Variants in CDX2 observed in about 807,000 individuals in gnomAD.
CDX2 encodes caudal type homeobox 2, also known as homeobox protein CDX-2.
In CDX2, 7 loss-of-function variants were observed where a neutral mutation model predicts 25.5. The ratio of observed to expected loss-of-function variants is 0.27; its 90% CI spans 0.16 to 0.52. The LOEUF (loss-of-function observed/expected upper bound fraction) is 0.52, where lower values mean the gene tolerates loss of function less well. Among genes scored for constraint, CDX2 ranks in the 20% least tolerant of loss-of-function variants. The pLI is 0.97. For synonymous variants in CDX2, 222 were observed against 198.6 expected, an observed-to-expected ratio of 1.12 and a Z score of -0.99; for missense variants, 375 against 431.4, an observed-to-expected ratio of 0.87 and a Z score of 1.16.
chr13:27,966,066 G>A (rs1869305558), intron 1 of CDX2, among the ~76,000 whole-genome samples: 1 of 152,250 alleles, frequency 6.6e-6, no homozygotes, highest in Admixed American at 6.5e-5. Context: ...GTCCTGGGAA[G>A]ATACAGGCCT....
At position 27,968,576 on chromosome 13, in the gene CDX2, G is replaced by A. The variant is rs1205848737; in HGVS notation, c.431C>T (p.Pro144Leu). 7 of 1,571,148 alleles carry A rather than the reference G, an allele frequency of 4.5e-6. No individual in the cohort carries two copies. Among genetic ancestry groups the A allele is most frequent in the Middle Eastern group, 1.7e-4 (1 of 5,740 alleles). ...SGLLQTLNPG[P>L]PGPAATAAAE... ...GGCAGCGGTGGCGGCGGGCCCAGGA[G>A]GGCCGGGGTTGAGCGTTTGCAGCAG... Residue 144 changes from proline (P) to leucine (L), a missense_variant, in exon 1 of 3, where the codon CCT (proline) becomes CTT (leucine). By Grantham distance (98) the Pro-to-Leu change is moderately conservative. Around this residue, in one of 3 missense-constraint regions of CDX2, gnomAD observed 253 missense variants for 247.5 expected, o/e 1.02. Coordinates refer to ENST00000381020, the MANE Select transcript of CDX2 (RefSeq NM_001265.6).
In CDX2 at chr13:27,963,033, G is replaced by T; in HGVS notation, c.*82C>A. 1 of 1,470,036 alleles carries T rather than the reference G, an allele frequency of 6.8e-7. No individual in the cohort carries two copies. Among genetic ancestry groups the T allele is most frequent in the Non-Finnish European group, 9.0e-7 (1 of 1,107,310 alleles). 91.1% of individuals were successfully genotyped at this position (1,470,036 alleles called of 1,614,324 possible). A position where few individuals can be genotyped will look rare whatever the true frequency, so the allele number is the denominator to read the frequency against. ...CTATGGCTGTGGGTGGGAGGGGAGGGGTCTCTCCTGAGGAGTCTAGCAGAG... is the reference window on the plus strand; with the variant it reads ...CTATGGCTGTGGGTGGGAGGGGAGGTGTCTCTCCTGAGGAGTCTAGCAGAG... On this transcript the variant is annotated 3_prime_UTR_variant, in exon 3 of 3. Coordinates refer to ENST00000381020, the MANE Select transcript of CDX2 (RefSeq NM_001265.6).
rs924465590 is a variant in CDX2, at chr13:27,969,020, C to T, written c.-14G>A. On this transcript the variant is annotated 5_prime_UTR_variant, in exon 1 of 3. Transcript: ENST00000381020. Reference sequence around the variant, plus strand: ...GCTCACGTACATGGTGGCGAGGGTCCGGGAGCAGACCTCACCATGCTGCCT... The same window carrying T: ...GCTCACGTACATGGTGGCGAGGGTCTGGGAGCAGACCTCACCATGCTGCCT... 4 of 1,583,748 alleles carry T rather than the reference C, an allele frequency of 2.5e-6. No homozygotes were observed. In the African/African-American group the frequency reaches 4.1e-5, roughly 16 times the overall value.
intron 1 of CDX2, 79 bp from the exon 2 acceptor site, chr13:27,965,094 CA>C (rs1869251375): frequency 6.9e-7 from 1 of 1,459,612 alleles, no homozygotes; most frequent in African/African-American, 1.4e-5. Flanking sequence ...CTCCCTAACC[CA>C]GGGACATTTC....
At position 27,968,629 on chromosome 13, in the gene CDX2, C is replaced by G; in HGVS notation, c.378G>C (p.Pro126=). 6.5e-7 allele frequency: 1 copy of G among 1,536,042 alleles called. No homozygotes were observed. The highest frequency in any genetic ancestry group is 8.7e-7 in the Non-Finnish European group (1 of 1,147,160). ...CAGAAGCGCAGGAAGGCGCGGCGGC[C>G]GGGTGGTGCGGGTGGTGATGCGGGT... ...HHHPHHHPHH[P]AAAPSCASGL... The change falls in exon 1 of 3, where the codon CCG becomes CCC. Residue 126 remains proline (P), a synonymous_variant. Transcript: ENST00000381020.
intron 1 of CDX2, among the ~76,000 whole-genome samples, chr13:27,966,241 TC>T (rs1869315408): frequency 6.6e-6 from 1 of 152,112 alleles, no homozygotes; most frequent in Non-Finnish European, 1.5e-5. Context: ...TTCATCCCCC[TC>T]CCCGCCAGGC....
intron 1 of CDX2, chr13:27,967,369 C>CAAA (rs1869386636): frequency 1.9e-6 from 1 of 524,174 alleles, no homozygotes; most frequent in African/African-American, 1.9e-5. Context: ...CCAAAGGGCG[C>CAAA]TTTGATTTAT....
chr13:27,969,019 C>T lies in CDX2; in HGVS notation c.-13G>A. The T allele has an allele frequency of 6.3e-7, 1 of 1,586,166 alleles. No homozygotes were observed. Among genetic ancestry groups the T allele is most frequent in the Non-Finnish European group, 8.5e-7 (1 of 1,171,256 alleles). ...AGCTCACGTACATGGTGGCGAGGGT[C>T]CGGGAGCAGACCTCACCATGCTGCC... On this transcript the variant is annotated 5_prime_UTR_variant, in exon 1 of 3. Coordinates refer to ENST00000381020, the MANE Select transcript of CDX2 (RefSeq NM_001265.6).
chr13:27,963,032 G>T lies in CDX2; in HGVS notation c.*83C>A. 6.8e-7 allele frequency: 1 copy of T among 1,461,580 alleles called. No homozygotes were observed. The highest frequency in any genetic ancestry group is 9.1e-7 in the Non-Finnish European group (1 of 1,103,172). 90.5% of individuals were successfully genotyped at this position (1,461,580 alleles called of 1,614,324 possible). A position where few individuals can be genotyped will look rare whatever the true frequency, so the allele number is the denominator to read the frequency against. On this transcript the variant is annotated 3_prime_UTR_variant, in exon 3 of 3. Transcript: ENST00000381020. ...TCTATGGCTGTGGGTGGGAGGGGAG[G>T]GGTCTCTCCTGAGGAGTCTAGCAGA... is the stretch of plus-strand genomic sequence containing the variant.
chr13:27,969,257 C>G lies in CDX2; in HGVS notation c.-251G>C. 3 of 510,762 alleles carry G rather than the reference C, an allele frequency of 5.9e-6. No individual in the cohort carries two copies. Among genetic ancestry groups the G allele is most frequent in the Non-Finnish European group, 6.9e-6 (2 of 290,276 alleles). The allele number at this position is 510,762 out of a possible 1,614,324, so 31.6% of individuals were successfully genotyped here. A position where few individuals can be genotyped will look rare whatever the true frequency, so the allele number is the denominator to read the frequency against. ...CCTCCTTCCCACTAGGCTGCAGAGG[C>G]GGGGAAGACCCGCCACAGGCTGGCG... On this transcript the variant is annotated 5_prime_UTR_variant, in exon 1 of 3. Transcript: ENST00000381020.
intron 1 of CDX2, among the ~76,000 whole-genome samples, 193 bp from the exon 2 acceptor site, chr13:27,965,208 G>A (rs1040447404): frequency 6.6e-6 from 1 of 152,118 alleles, no homozygotes; most frequent in South Asian, 2.1e-4. Context: ...GGCTAGTGGA[G>A]GCAACTAAAC....
In CDX2 at chr13:27,962,860, G is replaced by A. The variant is rs1794043944; in HGVS notation, c.*255C>T. Reference sequence around the variant, plus strand: ...AATGCTTCTGCCAGTCCGGAATGAAGCCCAGCGGAGGCTTTCTGTCTCCTC... The same window carrying A: ...AATGCTTCTGCCAGTCCGGAATGAAACCCAGCGGAGGCTTTCTGTCTCCTC... On this transcript the variant is annotated 3_prime_UTR_variant, in exon 3 of 3. Coordinates refer to ENST00000381020, the MANE Select transcript of CDX2 (RefSeq NM_001265.6). 4.6e-6 allele frequency: 2 copies of A among 437,534 alleles called. No homozygotes were observed. Among genetic ancestry groups the A allele is most frequent in the South Asian group, 1.3e-4 (2 of 15,380 alleles). The allele number at this position is 437,534 out of a possible 1,614,324, so 27.1% of individuals were successfully genotyped here.
rs1213138909 is a variant in CDX2, at chr13:27,968,900, T to C, written c.107A>G (p.Gln36Arg). 3.7e-6 allele frequency: 6 copies of C among 1,607,810 alleles called. No homozygotes were observed. Among genetic ancestry groups the C allele is most frequent in the Admixed American group, 3.4e-5 (2 of 59,510 alleles). ...LAPQNFVSPP[Q>R]YPDYGGYHVA... ...GTGGTAACCGCCGTAGTCCGGGTAC[T>C]GCGGGGGGCTGACGAAGTTCTGCGG... is the stretch of plus-strand genomic sequence containing the variant. Residue 36 changes from glutamine (Q) to arginine (R), a missense_variant, in exon 1 of 3, where the codon CAG becomes CGG. Around this residue, in one of 3 missense-constraint regions of CDX2, gnomAD observed 253 missense variants for 247.5 expected, o/e 1.02. Transcript: ENST00000381020.
At position 27,968,593 on chromosome 13, in the gene CDX2, T is replaced by C. The variant is rs754230556; in HGVS notation, c.414A>G (p.Gln138=). 6.4e-7 allele frequency: 1 copy of C among 1,568,572 alleles called. No homozygotes were observed. Among genetic ancestry groups the C allele is most frequent in the East Asian group, 2.4e-5 (1 of 41,826 alleles). ...GCCCAGGAGGGCCGGGGTTGAGCGT[T>C]TGCAGCAGCCCAGAAGCGCAGGAAG... ...AAPSCASGLL[Q]TLNPGPPGPA... The change falls in exon 1 of 3, where the codon CAA becomes CAG. Residue 138 remains glutamine (Q), a synonymous_variant. Coordinates refer to ENST00000381020, the MANE Select transcript of CDX2 (RefSeq NM_001265.6).
rs912275329 is a variant in CDX2 at position 27,962,725 on chromosome 13, C to G, written c.*390G>C. The G allele has an allele frequency of 4.1e-6, 1 of 245,678 alleles. No individual in the cohort carries two copies. The highest frequency in any genetic ancestry group is 7.9e-6 in the Non-Finnish European group (1 of 126,736). 15.2% of individuals were successfully genotyped at this position (245,678 alleles called of 1,614,324 possible). A position where few individuals can be genotyped will look rare whatever the true frequency, so the allele number is the denominator to read the frequency against. On this transcript the variant is annotated 3_prime_UTR_variant, in exon 3 of 3. Coordinates refer to ENST00000381020, the MANE Select transcript of CDX2 (RefSeq NM_001265.6). The stretch of plus-strand genomic sequence containing the variant: ...CATCTTGGCCTCAAGCTTGCCTTTC[C>G]CTTGAGTCCCTCTCTCCCCTCGGCT...
chr13:27,965,062 T>C (rs777753964), intron 1 of CDX2, 47 bp from the exon 2 acceptor site: 110 of 1,590,554 alleles, frequency 6.9e-5, no homozygotes, highest in Non-Finnish European at 9.3e-5. Flanking sequence ...AGGCAGCCCA[T>C]CAGTCATGGG....
intron 1 of CDX2, among the ~76,000 whole-genome samples, chr13:27,967,506 C>T (rs986093324): frequency 6.6e-6 from 1 of 152,180 alleles, no homozygotes; most frequent in Non-Finnish European, 1.5e-5. Flanking sequence ...TTAAAAGGGG[C>T]ACTCAACTAG....
Position 27,968,744 on chromosome 13 carries a change from G to C in CDX2, c.263C>G (p.Ala88Gly). Residue 88 changes from alanine to glycine, a missense_variant, in exon 1 of 3, where the codon GCC becomes GGC. Ala to Gly is a moderately conservative substitution (Grantham distance 60). Around this residue, in one of 3 missense-constraint regions of CDX2, gnomAD observed 253 missense variants for 247.5 expected, o/e 1.02. Transcript: ENST00000381020. ...NGYAPGGAAA[A>G]ANAVAHGLNG... Reference sequence around the variant, plus strand: ...GAGGCCGTGAGCCACGGCGTTGGCGGCGGCCGCGGCGCCTCCGGGCGCGTA... The same window carrying C: ...GAGGCCGTGAGCCACGGCGTTGGCGCCGGCCGCGGCGCCTCCGGGCGCGTA... The C allele has an allele frequency of 2.0e-6, 3 of 1,504,220 alleles. No homozygotes were observed. The highest frequency in any genetic ancestry group is 2.6e-6 in the Non-Finnish European group (3 of 1,134,154). 93.2% of individuals were successfully genotyped at this position (1,504,220 alleles called of 1,614,324 possible). A position where few individuals can be genotyped will look rare whatever the true frequency, so the allele number is the denominator to read the frequency against.
At position 27,969,224 on chromosome 13, in the gene CDX2, T is replaced by A. The variant is rs1189658150; in HGVS notation, c.-218A>T. On this transcript the variant is annotated 5_prime_UTR_variant, in exon 1 of 3. Coordinates refer to ENST00000381020, the MANE Select transcript of CDX2 (RefSeq NM_001265.6). ...TCCCTCCCTCCCTTTCTTCCTTCTT[T>A]CCTCCCACCTCCTTCCCACTAGGCT... 1.9e-6 allele frequency: 1 copy of A among 538,662 alleles called. No individual in the cohort carries two copies. Among genetic ancestry groups the A allele is most frequent in the Non-Finnish European group, 3.3e-6 (1 of 306,616 alleles). The allele number at this position is 538,662 out of a possible 1,614,324, so 33.4% of individuals were successfully genotyped here. A position where few individuals can be genotyped will look rare whatever the true frequency, so the allele number is the denominator to read the frequency against.
Sources: allele counts gnomAD v4.1 joint callset (sites outside exome capture counted in the v4.1 genomes callset), GRCh38; gene constraint gnomAD v4.1.1; regional missense constraint gnomAD v4.1.1; transcripts MANE v1.5; gene names NCBI Gene and HGNC (gene_info 2026-07-23, HGNC 2026-07-21).